The following CETP variants were observed in gnomAD, a reference collection of about 807,000 sequenced individuals.
CETP encodes BPI fold containing family F.
A neutral mutation model predicts 66.5 loss-of-function variants in CETP; 56 were observed. The ratio of observed to expected loss-of-function variants is 0.84; its 90% CI spans 0.68 to 1.05. The LOEUF (loss-of-function observed/expected upper bound fraction) is 1.05. CETP is among the 50% of genes least tolerant of loss of function. The pLI is 0.00. For missense variants in CETP, 612 were observed against 609.6 expected (o/e 1.00, Z -0.04); for synonymous variants, 251 against 245.7 (o/e 1.02, Z -0.20).
chr16:56,969,764 G>C lies in CETP; in HGVS notation c.439+83G>C, dbSNP rs972835736. 9 of 1,574,534 alleles carry C rather than the reference G, an allele frequency of 5.7e-6. No homozygotes were observed. In the Admixed American group the frequency reaches 1.4e-4, roughly 24 times the overall value. ...CAGAGGGGGAGGTTGTGCAGGCAGAGGGTTCTGGGGCCACCAAAGGAGGCC... is the reference window on the plus strand; with the variant it reads ...CAGAGGGGGAGGTTGTGCAGGCAGACGGTTCTGGGGCCACCAAAGGAGGCC... On this transcript the variant is annotated intron_variant, in intron 4 of 15. Transcript: ENST00000200676.
rs1184546365 is a variant in CETP, at chr16:56,983,774, C to T, written c.*108C>T. The T allele has an allele frequency of 5.7e-6, 6 of 1,054,054 alleles. No individual in the cohort carries two copies. The highest frequency in any genetic ancestry group is 3.1e-5 in the African/African-American group (2 of 64,152). 65.3% of individuals were successfully genotyped at this position (1,054,054 alleles called of 1,614,324 possible). A position where few individuals can be genotyped will look rare whatever the true frequency, so the allele number is the denominator to read the frequency against. On this transcript the variant is annotated 3_prime_UTR_variant, in exon 16 of 16. Coordinates refer to ENST00000200676, the MANE Select transcript of CETP (RefSeq NM_000078.3). ...CGTGGTGGAAGTTGGGTTAGGAGTA[C>T]GGAGATGGAGATTGGCTCCCAACTC...
At chr16:56,983,558 G>A (rs764634987) in intron 15 of CETP, 34 bp from the exon 16 acceptor site, 1 of 1,613,122 alleles carries the variant, frequency 6.2e-7, no homozygotes, top group East Asian at 2.2e-5. Context: ...AGTCAGCCCA[G>A]CTCGCCCCTC....
At chr16:56,970,036 C>T (rs768136410) in intron 5 of CETP, 35 bp downstream of exon 5, 25 of 1,589,620 alleles carry the variant, frequency 1.6e-5, no homozygotes, top group South Asian at 9.0e-5. Context: ...CATTCCTGCT[C>T]GTGCCCATCC....
chr16:56,982,822 G>C (rs916532615), intron 14 of CETP, among the ~76,000 whole-genome samples: 55 of 152,188 alleles, frequency 3.6e-4, no homozygotes, highest in African/African-American at 1.2e-3. Flanking sequence ...TGTCCACATG[G>C]CTTAGGTAGG....
chr16:56,965,123 C>T (rs141653379), intron 2 of CETP, among the ~76,000 whole-genome samples: 1 of 152,218 alleles, frequency 6.6e-6, no homozygotes, highest in East Asian at 1.9e-4. Context: ...CTATCCTAGA[C>T]CTATGTGTTG....
At chr16:56,972,569 G>A (rs2056120032) in intron 8 of CETP, among the ~76,000 whole-genome samples, 1 of 152,222 alleles carries the variant, frequency 6.6e-6, no homozygotes, top group African/African-American at 2.4e-5. Flanking sequence ...CAGGCACGCA[G>A]GCCCCTTCCA....
At chr16:56,974,962 C>T (rs1415127805) in intron 9 of CETP, 139 bp from the exon 10 acceptor site, 2 of 751,956 alleles carry the variant, frequency 2.7e-6, no homozygotes, top group Non-Finnish European at 4.8e-6. Flanking sequence ...CCCAGAGCAT[C>T]TCACATGTTG....
intron 11 of CETP, among the ~76,000 whole-genome samples, chr16:56,978,895 G>A (rs544094946): frequency 7.9e-5 from 12 of 152,134 alleles, no homozygotes; most frequent in South Asian, 2.1e-4. Context: ...GCACAATCTC[G>A]GCTCACTACA....
In CETP at chr16:56,977,689, C is replaced by G. The variant is rs554133485; in HGVS notation, c.982-402C>G. On this transcript the variant is annotated intron_variant, in intron 10 of 15. Coordinates refer to ENST00000200676, the MANE Select transcript of CETP (RefSeq NM_000078.3). ...CCTAGCCCAGCTGCTACAGCAGCTT[C>G]CCTCGGAGGGTTACCATGCAGTAGG... Among the ~76,000 whole-genome samples, 5 of 152,214 alleles carry G rather than the reference C, an allele frequency of 3.3e-5. No homozygotes were observed. In the South Asian group the frequency reaches 1.0e-3, roughly 32 times the overall value.
chr16:56,965,843 C>T (rs2056061914), intron 2 of CETP, among the ~76,000 whole-genome samples: 1 of 147,656 alleles, frequency 6.8e-6, no homozygotes, highest in African/African-American at 2.6e-5. Flanking sequence ...TTCACTGAGC[C>T]CCACCTCTGA....
Position 56,969,598 on chromosome 16 carries a change from T to C in CETP, c.369-13T>C. The C allele has an allele frequency of 6.2e-7, 1 of 1,614,238 alleles. No homozygotes were observed. Among genetic ancestry groups the C allele is most frequent in the South Asian group, 1.1e-5 (1 of 91,086 alleles). On this transcript the variant is annotated splice_polypyrimidine_tract_variant and intron_variant, in intron 3 of 15. Coordinates refer to ENST00000200676, the MANE Select transcript of CETP (RefSeq NM_000078.3). ...GGGCTGAATGAGGGTCCTGGGTCCT[T>C]GGCTCTTTCCAGGCTGGGTATTGAT...
chr16:56,967,266 A>G (rs1484652868), intron 2 of CETP, among the ~76,000 whole-genome samples: 1 of 152,036 alleles, frequency 6.6e-6, no homozygotes, highest in Non-Finnish European at 1.5e-5. Context: ...AGAATCACTG[A>G]ACCCAGGAGG....
chr16:56,962,917 A>T, intron 1 of CETP, 93 bp from the exon 2 acceptor site: 1 of 1,095,706 alleles, frequency 9.1e-7, no homozygotes, highest in South Asian at 1.3e-5. Context: ...GCCTCATCTC[A>T]GAGAGGCTGA....
intron 2 of CETP, among the ~76,000 whole-genome samples, chr16:56,966,719 C>T (rs2056069135): frequency 6.6e-6 from 1 of 151,928 alleles, no homozygotes; most frequent in African/African-American, 2.4e-5. Flanking sequence ...CCTGCCTCAA[C>T]CTCCCGAGCA....
At chr16:56,966,049 T>C (rs2056063925) in intron 2 of CETP, among the ~76,000 whole-genome samples, 1 of 152,100 alleles carries the variant, frequency 6.6e-6, no homozygotes, top group Non-Finnish European at 1.5e-5. Flanking sequence ...AAGCCCTCTG[T>C]ATCAGTTTCC....
At chr16:56,983,448 G>C in intron 15 of CETP, 37 bp downstream of exon 15, 1 of 1,608,970 alleles carries the variant, frequency 6.2e-7, no homozygotes, top group Non-Finnish European at 8.5e-7. Flanking sequence ...CCCTGTTCCT[G>C]GGGAGAGAGG....
chr16:56,966,471 C>T (rs575134368), intron 2 of CETP, among the ~76,000 whole-genome samples: 4 of 152,260 alleles, frequency 2.6e-5, no homozygotes, highest in Admixed American at 6.5e-5. Flanking sequence ...CAGTGAGAGC[C>T]GGAGCCCAGC....
At position 56,974,493 on chromosome 16, in the gene CETP, T is replaced by A. The variant is rs181630002; in HGVS notation, c.931-608T>A. ...GCATTTATTGGAGTCAACTATGTGT[T>A]GCCAGATAGATAGATGGATAGATAG... On this transcript the variant is annotated intron_variant, in intron 9 of 15. Coordinates refer to ENST00000200676, the MANE Select transcript of CETP (RefSeq NM_000078.3). 8.2e-4 allele frequency among the ~76,000 whole-genome samples: 125 copies of A among 152,288 alleles called. 2 individuals are homozygous for A. The Middle Eastern group carries it at 0.02, about 25-fold the overall frequency.
Position 56,978,092 on chromosome 16 carries a change from T to G in CETP, c.983T>G (p.Val328Gly). 6.2e-7 allele frequency: 1 copy of G among 1,614,052 alleles called. No homozygotes were observed. The highest frequency in any genetic ancestry group is 8.5e-7 in the Non-Finnish European group (1 of 1,179,962). Residue 328 changes from valine to glycine, a missense_variant and splice_region_variant, in exon 11 of 16, where the codon GTT becomes GGT. By Grantham distance (109) the Val-to-Gly change is moderately radical. Transcript: ENST00000200676. ...CCATGGGACCCCTGTCTTCCACAGG[T>G]TGTCGGCGGCTTCCCCAGCCAGGCC... ...FNTNQEIFQE[V>G]VGGFPSQAQV... is the part of the protein sequence containing the mutation.
Sources: gnomAD v4.1 joint callset for allele counts (sites outside exome capture counted in the v4.1 genomes callset) on GRCh38, gnomAD v4.1.1 for gene constraint, MANE v1.5 for transcripts, NCBI Gene and HGNC (gene_info 2026-07-23, HGNC 2026-07-21) for gene names.